Variants in RFX6 observed in about 807,000 individuals in gnomAD.
RFX6 encodes regulatory factor X6, also known as DNA-binding protein RFX6.
Under a neutral mutation model 110.8 loss-of-function variants are expected in RFX6, and 50 were observed. The ratio of observed to expected loss-of-function variants is 0.45; its 90% CI spans 0.36 to 0.57. The LOEUF (loss-of-function observed/expected upper bound fraction) is 0.57, where lower values mean the gene tolerates loss of function less well. RFX6 is among the 20% of genes least tolerant of loss of function. RFX6 has a pLI of 0.00. For missense variants in RFX6, 990 were observed against 1,127.0 expected, an observed-to-expected ratio of 0.88 and a Z score of 1.74; for synonymous variants, 383 against 411.2, an observed-to-expected ratio of 0.93 and a Z score of 0.83.
chr6:116,923,242 T>C lies in RFX6; in HGVS notation c.1555+18T>C, dbSNP rs1346603993. 7.3e-6 allele frequency: 8 copies of C among 1,091,690 alleles called. No individual in the cohort carries two copies. The highest frequency in any genetic ancestry group is 9.9e-6 in the Non-Finnish European group (7 of 703,626). The allele number at this position is 1,091,690 out of a possible 1,614,324, so 67.6% of individuals were successfully genotyped here. A position where few individuals can be genotyped will look rare whatever the true frequency, so the allele number is the denominator to read the frequency against. On this transcript the variant is annotated intron_variant, in intron 14 of 18. Coordinates refer to ENST00000332958, the MANE Select transcript of RFX6 (RefSeq NM_173560.4). The stretch of plus-strand genomic sequence containing the variant: ...CAGTTTTGGTAACATACGTGCATTA[T>C]AAAACTGTTCTTACATGAATTATAT...
At chr6:116,920,637 C>T (rs1222622914) in intron 12 of RFX6, among the ~76,000 whole-genome samples, 183 bp downstream of exon 12, 1 of 151,942 alleles carries the variant, frequency 6.6e-6, no homozygotes, top group Non-Finnish European at 1.5e-5. Context: ...AAAAATGTTT[C>T]CCCACATTGT....
At chr6:116,913,246 GA>G (rs1775392815) in intron 7 of RFX6, among the ~76,000 whole-genome samples, 1 of 152,108 alleles carries the variant, frequency 6.6e-6, no homozygotes. Flanking sequence ...GTTTTTAGTA[GA>G]GACGGGATTT....
chr6:116,878,870 G>GT (rs34428622), intron 2 of RFX6, among the ~76,000 whole-genome samples: 102,206 of 150,600 alleles, frequency 0.68, 35,291 homozygotes, highest in East Asian at 0.88. Flanking sequence ...ACATATAGTA[G>GT]TTTTTTGTGA....
intron 10 of RFX6, among the ~76,000 whole-genome samples, chr6:116,918,431 A>G (rs1045848355): frequency 6.6e-6 from 1 of 152,018 alleles, no homozygotes; most frequent in Non-Finnish European, 1.5e-5. Context: ...AGGAGAAATT[A>G]TTGTATTTTA....
chr6:116,925,751 T>G, intron 16 of RFX6, 92 bp downstream of exon 16: 1 of 823,632 alleles, frequency 1.2e-6, no homozygotes. Flanking sequence ...AGTCCAGGAA[T>G]TCCAACAATA....
intron 18 of RFX6, among the ~76,000 whole-genome samples, chr6:116,929,414 A>C (rs1323396860): frequency 5.9e-5 from 9 of 152,152 alleles, no homozygotes; most frequent in Non-Finnish European, 1.2e-4. Flanking sequence ...ATTAAAAAAA[A>C]CTGGTGTCCT....
Position 116,877,923 on chromosome 6 carries a change from AAAG to A in RFX6, c.355_357del (p.Lys119del), listed in dbSNP as rs778553752. ...CCATCACGCAGATTGTGAAGGATAA[AAAG>A]AAGCAGACACAGCTCACGCTGCAGT... On this transcript the variant is annotated inframe_deletion, in exon 2 of 19. Transcript: ENST00000332958. 1.9e-6 allele frequency: 3 copies of A among 1,614,176 alleles called. No homozygotes were observed. The highest frequency in any genetic ancestry group is 2.2e-5 in the East Asian group (1 of 44,878).
At chr6:116,918,402 C>T (rs1775519539) in intron 10 of RFX6, among the ~76,000 whole-genome samples, 1 of 151,620 alleles carries the variant, frequency 6.6e-6, no homozygotes, top group African/African-American at 2.4e-5. Flanking sequence ...TGGAAAATAA[C>T]CACAAGAATA....
chr6:116,894,137 G>C (rs1512654), intron 5 of RFX6, 73 bp downstream of exon 5: 1 of 873,720 alleles, frequency 1.1e-6, no homozygotes, highest in Non-Finnish European at 2.0e-6. Flanking sequence ...TGAATAAAAT[G>C]ATTTCTTAAT....
intron 4 of RFX6, among the ~76,000 whole-genome samples, chr6:116,890,301 C>A (rs1055548776): frequency 6.6e-6 from 1 of 152,096 alleles, no homozygotes. Context: ...AGATCATGTA[C>A]ACATACAATT....
chr6:116,922,334 A>G (rs528984079), intron 13 of RFX6, among the ~76,000 whole-genome samples, 183 bp downstream of exon 13: 11 of 152,294 alleles, frequency 7.2e-5, no homozygotes, highest in Admixed American at 1.3e-4. Context: ...TCAAGATTTG[A>G]GAGCATTGGG....
intron 9 of RFX6, 50 bp downstream of exon 9, chr6:116,916,364 G>A (rs1222003188): frequency 2.0e-6 from 2 of 991,272 alleles, no homozygotes; most frequent in Non-Finnish European, 3.2e-6. Flanking sequence ...TCTTTACGTA[G>A]CATTCTATCT....
intron 7 of RFX6, among the ~76,000 whole-genome samples, chr6:116,912,766 G>C (rs1384647965): frequency 6.6e-6 from 1 of 152,148 alleles, no homozygotes; most frequent in Non-Finnish European, 1.5e-5. Flanking sequence ...GGCTCCAATA[G>C]TTTACCTCAA....
At chr6:116,923,281 G>C in intron 14 of RFX6, 57 bp downstream of exon 14, 1 of 858,344 alleles carries the variant, frequency 1.2e-6, no homozygotes, top group Non-Finnish European at 2.0e-6. Context: ...TTGTTCCTCA[G>C]TCACAGTTCC....
At chr6:116,911,480 T>C (rs1381288242) in intron 7 of RFX6, among the ~76,000 whole-genome samples, 2 of 152,208 alleles carry the variant, frequency 1.3e-5, no homozygotes, top group Non-Finnish European at 2.9e-5. Flanking sequence ...CTATGCTAGA[T>C]GAGCATGAAC....
chr6:116,889,679 A>C (rs1027333104), intron 4 of RFX6, among the ~76,000 whole-genome samples: 1 of 152,108 alleles, frequency 6.6e-6, no homozygotes, highest in Admixed American at 6.6e-5. Flanking sequence ...GTAATAGTCA[A>C]GTTTCTACAG....
intron 15 of RFX6, 21 bp downstream of exon 15, chr6:116,924,812 T>A (rs1481984570): frequency 6.6e-7 from 1 of 1,514,890 alleles, no homozygotes; most frequent in Non-Finnish European, 9.2e-7. Flanking sequence ...ATAACTGTTT[T>A]GTTTTGCATA....
intron 6 of RFX6, among the ~76,000 whole-genome samples, chr6:116,905,300 T>A (rs536812887): frequency 6.6e-6 from 1 of 152,320 alleles, no homozygotes; most frequent in East Asian, 1.9e-4. Context: ...ATTGTAACAT[T>A]GAGCATATTT....
At chr6:116,898,394 A>G (rs1464096282) in intron 6 of RFX6, among the ~76,000 whole-genome samples, 4 of 152,108 alleles carry the variant, frequency 2.6e-5, no homozygotes, top group Admixed American at 1.3e-4. Context: ...CAGTGGCACA[A>G]TCTTGACTCA....
Sources: gnomAD v4.1 joint callset for allele counts (sites outside exome capture counted in the v4.1 genomes callset) on GRCh38, gnomAD v4.1.1 for gene constraint, MANE v1.5 for transcripts, NCBI Gene and HGNC (gene_info 2026-07-23, HGNC 2026-07-21) for gene names.